FRMD4B: variants seen among roughly 807,000 people sequenced by gnomAD.
FRMD4B encodes FERM domain-containing protein 4B.
Under a neutral mutation model 141.5 loss-of-function variants are expected in FRMD4B, and 74 were observed. That is an observed-to-expected ratio of 0.52 (90% CI 0.43 to 0.63). The LOEUF (loss-of-function observed/expected upper bound fraction) is 0.63. FRMD4B is among the 30% of genes least tolerant of loss of function. The pLI, the probability that FRMD4B is intolerant of heterozygous loss-of-function variation, is 0.00. For synonymous variants in FRMD4B, 506 were observed against 467.9 expected (o/e 1.08, Z -1.05); for missense variants, 1,366 against 1,253.4 (o/e 1.09, Z -1.36).
intron 1 of FRMD4B, among the ~76,000 whole-genome samples, chr3:69,455,048 TA>T (rs1411532567): frequency 6.6e-6 from 1 of 152,188 alleles, no homozygotes; most frequent in African/African-American, 2.4e-5. Flanking sequence ...TATGTCTAGC[TA>T]AAGGATTGTA....
chr3:69,310,516 G>T (rs1031577099), intron 3 of FRMD4B: 1 of 450,632 alleles, frequency 2.2e-6, no homozygotes, highest in South Asian at 1.6e-5. Flanking sequence ...AGGCAAATTG[G>T]GCTGCCATAA....
rs551430312 is a variant in FRMD4B at position 69,303,857 on chromosome 3, C to T, written c.324-1422G>A. On this transcript the variant is annotated intron_variant, in intron 3 of 22. Transcript: ENST00000398540. ...GCTGAAGTGGGAGGATCACTTGGGC[C>T]CAGGGAAGTCAAGGCTGCAGTGAGC... Among the ~76,000 whole-genome samples, 202 of 152,162 alleles carry T rather than the reference C, an allele frequency of 1.3e-3. 1 individual carries two copies. Among genetic ancestry groups the T allele is most frequent in the Non-Finnish European group, 2.3e-3 (157 of 68,016 alleles).
intron 2 of FRMD4B, among the ~76,000 whole-genome samples, chr3:69,415,431 A>G (rs987477046): frequency 6.6e-6 from 1 of 151,494 alleles, no homozygotes; most frequent in Non-Finnish European, 1.5e-5. Context: ...AGCCCCATCT[A>G]CCTCTCCCTT....
intron 5 of FRMD4B, among the ~76,000 whole-genome samples, chr3:69,254,481 C>G (rs2093480985): frequency 6.6e-6 from 1 of 152,134 alleles, no homozygotes; most frequent in Non-Finnish European, 1.5e-5. Flanking sequence ...AAATACCTCT[C>G]CATAGATTAC....
At position 69,195,347 on chromosome 3, in the gene FRMD4B, C is replaced by G; in HGVS notation, c.1252G>C (p.Val418Leu). 1 of 1,611,840 alleles carries G rather than the reference C, an allele frequency of 6.2e-7. No individual in the cohort carries two copies. Among genetic ancestry groups the G allele is most frequent in the South Asian group, 1.1e-5 (1 of 90,568 alleles). The change falls in exon 15 of 23, where the codon GTT (valine) becomes CTT (leucine). Residue 418 changes from valine to leucine, a missense_variant. Transcript: ENST00000398540. ...LISSGSQDSEVSEEQKREKIL... is the reference protein window; with the variant it reads ...LISSGSQDSELSEEQKREKIL... ...TTTTCTCTCTTTTGCTCTTCACTAA[C>G]TTCTGAGTCTTGAGAACCTAGGGGA...
intron 5 of FRMD4B, among the ~76,000 whole-genome samples, chr3:69,257,353 C>T (rs1166680073): frequency 1.3e-5 from 2 of 152,110 alleles, no homozygotes; most frequent in Admixed American, 6.5e-5. Flanking sequence ...AATATGATAT[C>T]CCATTGGGAG....
At chr3:69,421,063 C>T (rs940587898) in intron 2 of FRMD4B, among the ~76,000 whole-genome samples, 1 of 152,196 alleles carries the variant, frequency 6.6e-6, no homozygotes, top group Non-Finnish European at 1.5e-5. Context: ...AAGGCAGAGA[C>T]CTCACCCACC....
At chr3:69,216,203 T>G (rs976755051) in intron 11 of FRMD4B, 60 bp downstream of exon 11, 1 of 907,368 alleles carries the variant, frequency 1.1e-6, no homozygotes, top group Non-Finnish European at 1.8e-6. Context: ...GCTTTTCAAC[T>G]ATGTTGTGAT....
rs774316609 is a variant in FRMD4B, at chr3:69,427,643, G to GTTTTTTTTTTTTTTT, written c.-1+4976_-1+4990dup. On this transcript the variant is annotated intron_variant, in intron 2 of 5. Coordinates refer to the FRMD4B transcript ENST00000459638. ...GTGTTTAGTAAGAAGCTAGGTAAAT[G>GTTTTTTTTTTTTTTT]TTTTTTTTTTTTTTTTTTTTTTTTT... 3.3e-3 allele frequency among the ~76,000 whole-genome samples: 121 copies of GTTTTTTTTTTTTTTT among 36,240 alleles called. 24 individuals are homozygous for GTTTTTTTTTTTTTTT. Among genetic ancestry groups the GTTTTTTTTTTTTTTT allele is most frequent in the Non-Finnish European group, 4.3e-3 (85 of 19,574 alleles). The allele number at this position is 36,240 out of a possible 152,430, so 23.8% of individuals were successfully genotyped here.
In FRMD4B at chr3:69,536,507, C is replaced by G; in HGVS notation, c.-129+5699G>C. ...AACGTGCCCTAGCGCTACTCCCCAG[C>G]CTGCAGCGCCTCTACCACCGTGCGG... On this transcript the variant is annotated intron_variant, in intron 1 of 5. Coordinates refer to the FRMD4B transcript ENST00000459638. 4 of 697,540 alleles carry G rather than the reference C, an allele frequency of 5.7e-6. No individual in the cohort carries two copies. The Admixed American group carries it at 8.2e-5, about 14-fold the overall frequency. 43.2% of individuals were successfully genotyped at this position (697,540 alleles called of 1,614,324 possible). A position where few individuals can be genotyped will look rare whatever the true frequency, so the allele number is the denominator to read the frequency against.
rs1480519571 is a variant in FRMD4B at position 69,194,904 on chromosome 3, T to A, written c.1488+118A>T. On this transcript the variant is annotated intron_variant, in intron 16 of 22. Transcript: ENST00000398540. Reference sequence around the variant, plus strand: ...AGTTCAATTTGGTCTACACGATCCATCTGTACTGGTGAGATAACATACAGC... The same window carrying A: ...AGTTCAATTTGGTCTACACGATCCAACTGTACTGGTGAGATAACATACAGC... 5.7e-6 allele frequency: 5 copies of A among 869,988 alleles called. No individual in the cohort carries two copies. In the South Asian group the frequency reaches 8.9e-5, roughly 15 times the overall value. 53.9% of individuals were successfully genotyped at this position (869,988 alleles called of 1,614,324 possible).
At chr3:69,272,458 C>T (rs541044811) in intron 5 of FRMD4B, among the ~76,000 whole-genome samples, 2 of 152,300 alleles carry the variant, frequency 1.3e-5, no homozygotes, top group South Asian at 2.1e-4. Flanking sequence ...CTGCGCCCAG[C>T]CCATTCACAA....
chr3:69,225,272 C>A (rs76500039), intron 7 of FRMD4B, among the ~76,000 whole-genome samples: 3,207 of 152,100 alleles, frequency 0.021, 126 homozygotes, highest in African/African-American at 0.074. Context: ...TCTCTTAAGT[C>A]ACATTAAGTG....
At chr3:69,265,313 T>TATATATATAC (rs2093555613) in intron 5 of FRMD4B, among the ~76,000 whole-genome samples, 1 of 117,180 alleles carries the variant, frequency 8.5e-6, no homozygotes, top group African/African-American at 3.3e-5. Context: ...TATATATATA[T>TATATATATAC]ATGCAGATAT....
intron 1 of FRMD4B, among the ~76,000 whole-genome samples, chr3:69,353,151 G>A (rs1329618091): frequency 7.2e-5 from 11 of 151,882 alleles, no homozygotes; most frequent in Non-Finnish European, 1.3e-4. Context: ...GGGTGATGAA[G>A]TGGAATTACA....
At chr3:69,362,948 C>A (rs937745065) in intron 1 of FRMD4B, among the ~76,000 whole-genome samples, 9 of 151,306 alleles carry the variant, frequency 5.9e-5, no homozygotes, top group Admixed American at 2.6e-4. Flanking sequence ...TAAGTCCTGA[C>A]CTTCAAGTCC....
chr3:69,483,843 GA>G (rs1246432613), intron 1 of FRMD4B, among the ~76,000 whole-genome samples: 1 of 152,082 alleles, frequency 6.6e-6, no homozygotes, highest in African/African-American at 2.4e-5. Flanking sequence ...TTATTTGAAA[GA>G]AAATGTCACT....
At chr3:69,472,260 C>A (rs943646104) in intron 1 of FRMD4B, 4 of 337,088 alleles carry the variant, frequency 1.2e-5, no homozygotes, top group Non-Finnish European at 2.4e-5. Context: ...GTCCAGCCTT[C>A]CTTGTTGGCT....
intron 1 of FRMD4B, among the ~76,000 whole-genome samples, chr3:69,478,932 T>C (rs1358111911): frequency 6.0e-5 from 9 of 149,926 alleles, no homozygotes; most frequent in Admixed American, 2.7e-4. Context: ...GCTCTTCTTG[T>C]TGAATTGATC....
Sources: allele counts gnomAD v4.1 joint callset (sites outside exome capture counted in the v4.1 genomes callset), GRCh38; gene constraint gnomAD v4.1.1; transcripts MANE v1.5; gene names NCBI Gene and HGNC (gene_info 2026-07-23, HGNC 2026-07-21).